The following CACNA2D3 variants were observed in gnomAD, a reference collection of about 807,000 sequenced individuals.
CACNA2D3 encodes the protein voltage-dependent calcium channel subunit alpha-2/delta-3.
In CACNA2D3, 60 loss-of-function variants were observed where a neutral mutation model predicts 160.6. That is an observed-to-expected ratio of 0.37 (90% confidence interval 0.30 to 0.46). The LOEUF (loss-of-function observed/expected upper bound fraction) is 0.46. CACNA2D3 is among the 20% of genes least tolerant of loss of function. The pLI, the probability that CACNA2D3 is intolerant of heterozygous loss-of-function variation, is 1.00. For synonymous variants in CACNA2D3, 558 were observed against 492.9 expected, an observed-to-expected ratio of 1.13 and a Z score of -1.75; for missense variants, 1,205 against 1,365.0, an observed-to-expected ratio of 0.88 and a Z score of 1.85.
intron 33 of CACNA2D3, among the ~76,000 whole-genome samples, chr3:55,009,084 A>T (rs1703158155): frequency 6.6e-6 from 1 of 152,228 alleles, no homozygotes; most frequent in Non-Finnish European, 1.5e-5. Context: ...ATCAAACTAG[A>T]TGATATTAAG....
At chr3:54,798,883 C>CTGA (rs1702924565) in intron 13 of CACNA2D3, among the ~76,000 whole-genome samples, 1 of 152,224 alleles carries the variant, frequency 6.6e-6, no homozygotes, top group Non-Finnish European at 1.5e-5. Context: ...CACCCCAGAC[C>CTGA]TGAGCCTTTT....
intron 4 of CACNA2D3, among the ~76,000 whole-genome samples, chr3:54,406,571 T>C (rs1699580681): frequency 6.6e-6 from 1 of 151,854 alleles, no homozygotes; most frequent in African/African-American, 2.4e-5. Context: ...AAGAAAAATA[T>C]TTCATGATCT....
Position 54,220,189 on chromosome 3 carries a change from C to G in CACNA2D3, c.204+96595C>G, listed in dbSNP as rs1021559201. ...TTGGTGGGTCCTAAGAATGTGTCTT[C>G]CAACTTCATTTCAGTCGGTCTGCTC... is the stretch of plus-strand genomic sequence containing the variant. On this transcript the variant is annotated intron_variant, in intron 2 of 37. Coordinates refer to ENST00000474759, the MANE Select transcript of CACNA2D3 (RefSeq NM_018398.3). 2.0e-5 allele frequency among the ~76,000 whole-genome samples: 3 copies of G among 152,126 alleles called. No homozygotes were observed. The South Asian group carries it at 6.2e-4, about 32-fold the overall frequency.
At chr3:54,150,114 G>A (rs1700119130) in intron 2 of CACNA2D3, among the ~76,000 whole-genome samples, 3 of 151,394 alleles carry the variant, frequency 2.0e-5, no homozygotes, top group Admixed American at 2.0e-4. Flanking sequence ...CAGTTTTGGG[G>A]ATTTGCTTCC....
chr3:54,675,494 C>T (rs191673926), intron 11 of CACNA2D3, among the ~76,000 whole-genome samples: 3 of 152,158 alleles, frequency 2.0e-5, no homozygotes, highest in African/African-American at 7.2e-5. Context: ...TCTCCTGGCC[C>T]CTGGGGAAAG....
chr3:54,624,916 GGTT>G (rs1321224234), intron 9 of CACNA2D3, among the ~76,000 whole-genome samples: 1 of 152,208 alleles, frequency 6.6e-6, no homozygotes, highest in African/African-American at 2.4e-5. Context: ...CACCGGGGGT[GGTT>G]GTTGGTGAAG....
chr3:54,554,901 G>A (rs149509371), intron 5 of CACNA2D3, among the ~76,000 whole-genome samples: 2 of 109,916 alleles, frequency 1.8e-5, no homozygotes, highest in Non-Finnish European at 3.5e-5. Context: ...TGGAGACAAG[G>A]TCTCACTCTG....
intron 17 of CACNA2D3, among the ~76,000 whole-genome samples, chr3:54,864,019 C>G (rs973346974): frequency 5.3e-5 from 8 of 152,098 alleles, no homozygotes; most frequent in Non-Finnish European, 2.9e-5. Flanking sequence ...GGCTCATTGG[C>G]ATTTTTCTCT....
At chr3:54,460,031 A>G (rs1700470613) in intron 4 of CACNA2D3, among the ~76,000 whole-genome samples, 1 of 151,986 alleles carries the variant, frequency 6.6e-6, no homozygotes, top group Non-Finnish European at 1.5e-5. Flanking sequence ...TAAATAGGGA[A>G]TCCTTTCCCC....
intron 4 of CACNA2D3, among the ~76,000 whole-genome samples, chr3:54,462,400 G>A (rs1397457917): frequency 6.6e-6 from 1 of 152,170 alleles, no homozygotes; most frequent in Non-Finnish European, 1.5e-5. Context: ...TTACTATTGT[G>A]TGGGAGTCTA....
At chr3:54,704,890 C>T (rs1001329369) in intron 11 of CACNA2D3, among the ~76,000 whole-genome samples, 2 of 152,098 alleles carry the variant, frequency 1.3e-5, no homozygotes, top group Admixed American at 6.5e-5. Flanking sequence ...CTCTACCCCC[C>T]ACCCCCATTT....
chr3:54,423,288 A>G (rs1424256274), intron 4 of CACNA2D3, among the ~76,000 whole-genome samples: 1 of 152,210 alleles, frequency 6.6e-6, no homozygotes, highest in Non-Finnish European at 1.5e-5. Flanking sequence ...AATTTAAAAC[A>G]TTTTTAAGAT....
intron 1 of CACNA2D3, 128 bp downstream of exon 1, chr3:54,122,963 C>A: frequency 2.2e-6 from 2 of 917,672 alleles, no homozygotes; most frequent in Non-Finnish European, 2.8e-6. Flanking sequence ...GCCGCTCGCA[C>A]CTGCCTTTCG....
chr3:54,462,307 G>A (rs1700521634), intron 4 of CACNA2D3, among the ~76,000 whole-genome samples: 1 of 152,184 alleles, frequency 6.6e-6, no homozygotes, highest in South Asian at 2.1e-4. Context: ...TTGGTGCAGA[G>A]CTGAGTTCAA....
rs1362070474 is a variant in CACNA2D3, at chr3:54,863,580, T to C, written c.1627-7959T>C. On this transcript the variant is annotated intron_variant, in intron 17 of 37. Transcript: ENST00000474759. ...TCCAGCCTCGGTGTGGTAAGCGTGT[T>C]TGACCTACAAAAACGGTGGTGGGCT... 2.0e-5 allele frequency among the ~76,000 whole-genome samples: 3 copies of C among 152,160 alleles called. 1 individual carries two copies. The highest frequency in any genetic ancestry group is 4.4e-5 in the Non-Finnish European group (3 of 68,024).
At position 54,144,211 on chromosome 3, in the gene CACNA2D3, G is replaced by A. The variant is rs193258913; in HGVS notation, c.204+20617G>A. On this transcript the variant is annotated intron_variant, in intron 2 of 37. Coordinates refer to ENST00000474759, the MANE Select transcript of CACNA2D3 (RefSeq NM_018398.3). ...TATCCCCTATTACTCATCATTTTCC[G>A]AAATGATTTGTGTTCTGGCTACAAA... Among the ~76,000 whole-genome samples, 5 of 152,194 alleles carry A rather than the reference G, an allele frequency of 3.3e-5. No homozygotes were observed. In the East Asian group the frequency reaches 5.8e-4, roughly 18 times the overall value.
At chr3:54,632,644 A>T (rs1699267925) in intron 10 of CACNA2D3, 1 of 152,146 alleles carries the variant, frequency 6.6e-6, no homozygotes, top group Non-Finnish European at 1.5e-5. Context: ...TTAATGGGAG[A>T]TGAGGGAGGG....
chr3:54,205,278 A>T (rs1030216471), intron 2 of CACNA2D3, among the ~76,000 whole-genome samples: 1 of 152,192 alleles, frequency 6.6e-6, no homozygotes, highest in Non-Finnish European at 1.5e-5. Flanking sequence ...TTTATGGTAG[A>T]GACGGGGTTT....
chr3:54,481,000 G>T (rs1451835888), intron 4 of CACNA2D3, among the ~76,000 whole-genome samples: 1 of 152,140 alleles, frequency 6.6e-6, no homozygotes, highest in Non-Finnish European at 1.5e-5. Flanking sequence ...TGGGTCCTGG[G>T]ACACTCTCTG....
Sources: gnomAD v4.1 joint callset for allele counts (sites outside exome capture counted in the v4.1 genomes callset) on GRCh38, gnomAD v4.1.1 for gene constraint, MANE v1.5 for transcripts, NCBI Gene and HGNC (gene_info 2026-07-23, HGNC 2026-07-21) for gene names.